The following KLF8 variants were observed in gnomAD, a reference collection of about 807,000 sequenced individuals.
The protein encoded by KLF8 is Krueppel-like factor 8.
A neutral mutation model predicts 18.2 loss-of-function variants in KLF8; 10 were observed. The ratio of observed to expected loss-of-function variants is 0.55; its 90% confidence interval spans 0.34 to 0.93. The LOEUF (loss-of-function observed/expected upper bound fraction) is 0.93, where lower values mean the gene tolerates loss of function less well. Among genes scored for constraint, KLF8 ranks in the 40% least tolerant of loss-of-function variants. The probability of loss-of-function intolerance (pLI) is 0.02; values close to 1 mark genes in which losing one functional copy is unlikely to be tolerated. For synonymous variants in KLF8, 109 were observed against 97.3 expected (o/e 1.12, Z -0.71); for missense variants, 264 against 277.9 (o/e 0.95, Z 0.36).
At chrX:56,272,070 C>T (rs1332873794) in intron 5 of KLF8, among the ~76,000 whole-genome samples, 2 of 111,560 alleles carry the variant, frequency 1.8e-5, no homozygotes, top group Non-Finnish European at 3.8e-5. Context: ...GTGGTGTAAG[C>T]TTCCCATATG....
At chrX:56,047,274 T>C in the KLF8 span, among the ~76,000 whole-genome samples, 1 of 110,383 alleles carries the variant, frequency 9.1e-6, no homozygotes, top group Non-Finnish European at 1.9e-5. Context: ...CGTTTTTTTA[T>C]TATTATTATA....
At chrX:56,168,655 A>G in the KLF8 span, among the ~76,000 whole-genome samples, 1 of 66,118 alleles carries the variant, frequency 1.5e-5, no homozygotes, top group Non-Finnish European at 2.8e-5. Context: ...CCCCTCCCCG[A>G]CCCCATGACA....
the KLF8 span, among the ~76,000 whole-genome samples, chrX:56,170,753 G>A: frequency 9.0e-6 from 1 of 111,414 alleles, no homozygotes; most frequent in East Asian, 2.8e-4. Context: ...AGAGATAGGG[G>A]TAGAAAGTTT....
chrX:55,940,626 A>T, the KLF8 span, among the ~76,000 whole-genome samples: 2 of 111,379 alleles, frequency 1.8e-5, no homozygotes, highest in Admixed American at 9.6e-5. Flanking sequence ...TATCTAGAAA[A>T]CCCCATTGTC....
the KLF8 span, among the ~76,000 whole-genome samples, chrX:56,116,973 T>G: frequency 5.0e-3 from 556 of 110,742 alleles, 3 homozygotes; most frequent in Middle Eastern, 0.014. Context: ...TGAGTGAACT[T>G]TCTAATAAGT....
the KLF8 span, among the ~76,000 whole-genome samples, chrX:56,095,561 A>G: frequency 8.9e-6 from 1 of 112,314 alleles, no homozygotes; most frequent in Non-Finnish European, 1.9e-5. Context: ...GCATTCAGCA[A>G]AGGGCTAATA....
the KLF8 span, among the ~76,000 whole-genome samples, chrX:56,091,782 A>G: frequency 5.3e-5 from 6 of 112,165 alleles, no homozygotes; most frequent in Non-Finnish European, 1.1e-4. Flanking sequence ...GGCATGAGCC[A>G]TCGTGCCTAG....
At chrX:56,155,191 AC>A in the KLF8 span, among the ~76,000 whole-genome samples, 1 of 111,859 alleles carries the variant, frequency 8.9e-6, no homozygotes, top group African/African-American at 3.2e-5. Context: ...AATAGTAAAG[AC>A]CTGGAATCAA....
At chrX:56,185,478 A>G in the KLF8 span, among the ~76,000 whole-genome samples, 7 of 111,884 alleles carry the variant, frequency 6.3e-5, no homozygotes, top group Non-Finnish European at 1.1e-4. Context: ...GAACTTCCCC[A>G]ATCTAGCAAG....
At chrX:56,034,229 A>C in the KLF8 span, among the ~76,000 whole-genome samples, 1 of 112,355 alleles carries the variant, frequency 8.9e-6, no homozygotes, top group Non-Finnish European at 1.9e-5. Context: ...ATTCTTCGGC[A>C]TATGGATATT....
At chrX:56,110,101 C>A in the KLF8 span, among the ~76,000 whole-genome samples, 1 of 111,622 alleles carries the variant, frequency 9.0e-6, no homozygotes. Context: ...TATGTCCCTG[C>A]AAAGGACATG....
At chrX:55,960,653 GA>G in the KLF8 span, among the ~76,000 whole-genome samples, 1 of 110,264 alleles carries the variant, frequency 9.1e-6, no homozygotes, top group Non-Finnish European at 1.9e-5. Flanking sequence ...GAAGGAGAAG[GA>G]GAAGAAGAAG....
At chrX:56,045,785 T>C in the KLF8 span, among the ~76,000 whole-genome samples, 1 of 111,683 alleles carries the variant, frequency 9.0e-6, no homozygotes, top group Middle Eastern at 4.2e-3. Flanking sequence ...AATGCATTTA[T>C]CAGATCTAGG....
the KLF8 span, among the ~76,000 whole-genome samples, chrX:55,945,189 T>C: frequency 2.7e-5 from 3 of 111,450 alleles, no homozygotes; most frequent in African/African-American, 9.8e-5. Flanking sequence ...CACTGTGGTC[T>C]GAGAGACAGT....
the KLF8 span, among the ~76,000 whole-genome samples, chrX:56,178,752 G>A: frequency 2.3e-4 from 26 of 111,745 alleles, no homozygotes; most frequent in African/African-American, 6.2e-4. Flanking sequence ...TCCTTTCTCC[G>A]TTTCTTGTTT....
the KLF8 span, among the ~76,000 whole-genome samples, chrX:56,148,666 C>A: frequency 1.1e-3 from 122 of 111,972 alleles, no homozygotes; most frequent in African/African-American, 3.9e-3. Flanking sequence ...GCCTCACAAT[C>A]ATGGCAGAAG....
At chrX:56,082,286 T>A in the KLF8 span, among the ~76,000 whole-genome samples, 1 of 111,784 alleles carries the variant, frequency 8.9e-6, no homozygotes, top group Non-Finnish European at 1.9e-5. Flanking sequence ...TTTGTTTCTG[T>A]AAAATTGCTA....
At chrX:56,132,504 C>T in the KLF8 span, among the ~76,000 whole-genome samples, 1 of 111,002 alleles carries the variant, frequency 9.0e-6, no homozygotes, top group Non-Finnish European at 1.9e-5. Context: ...GAGGAAAGTT[C>T]ATAGCCTTAA....
the KLF8 span, among the ~76,000 whole-genome samples, chrX:56,061,679 T>C: frequency 1.8e-4 from 20 of 111,417 alleles, no homozygotes; most frequent in African/African-American, 6.5e-4. Flanking sequence ...GTCTATTAGG[T>C]CGGCTTGGTC....
Sources: allele counts gnomAD v4.1 joint callset (sites outside exome capture counted in the v4.1 genomes callset), GRCh38; gene constraint gnomAD v4.1.1; transcripts MANE v1.5; gene names NCBI Gene and HGNC (gene_info 2026-07-23, HGNC 2026-07-21).